Variants in FBXO27 observed in about 807,000 individuals in gnomAD.
FBXO27 encodes the protein F-box protein 27, also known as F-box only protein 27.
A neutral mutation model predicts 28.3 loss-of-function variants in FBXO27; 28 were observed. The observed-to-expected ratio is 0.99, with a 90% CI of 0.73 to 1.36. The LOEUF (loss-of-function observed/expected upper bound fraction) is 1.36, where lower values mean the gene tolerates loss of function less well. Ranked by LOEUF, FBXO27 falls within the 40% of genes most tolerant of loss-of-function variation. FBXO27 has a pLI of 0.00. For synonymous variants in FBXO27, 175 were observed against 167.3 expected (o/e 1.05, Z -0.36); for missense variants, 388 against 394.1 (o/e 0.98, Z 0.13).
At chr19:39,018,182 A>G (rs1159742154) in intron 1 of FBXO27, among the ~76,000 whole-genome samples, 1 of 152,126 alleles carries the variant, frequency 6.6e-6, no homozygotes, top group Non-Finnish European at 1.5e-5. Flanking sequence ...GGGTTTCACC[A>G]TGTTGGCCAA....
Position 39,032,467 on chromosome 19 carries a change from T to G in FBXO27, c.-27+36A>C. 1 of 494,930 alleles carries G rather than the reference T, an allele frequency of 2.0e-6. No individual in the cohort carries two copies. Among genetic ancestry groups the G allele is most frequent in the East Asian group, 4.0e-5 (1 of 24,794 alleles). 30.7% of individuals were successfully genotyped at this position (494,930 alleles called of 1,614,324 possible). ...CCGAATTGCATGCAATCAGCCCCCC[T>G]CGGCGGCCGCACCGACACCGCACCC... On this transcript the variant is annotated intron_variant, in intron 1 of 5. Coordinates refer to ENST00000292853, the MANE Select transcript of FBXO27 (RefSeq NM_178820.5). This position sits in a 1 kb window ranked among gnomAD's most constrained non-coding sequence, Gnocchi z 4.7.
chr19:39,025,433 A>G lies in FBXO27; in HGVS notation c.830T>C (p.Ile277Thr). Residue 277 changes from isoleucine to threonine, a missense_variant, in exon 6 of 6, where the codon ATC becomes ACC. Ile to Thr is a moderately conservative substitution (Grantham distance 89). Transcript: ENST00000292853. ...GGACTAGGACAGACGGACTCGCACG[A>G]TCACACTGGAGTTGGTCACACGGGC... is the stretch of plus-strand genomic sequence containing the variant. Reference protein sequence around the residue: ...YGARVTNSSVIVRVRLS With the variant: ...YGARVTNSSVTVRVRLS 1 of 1,613,954 alleles carries G rather than the reference A, an allele frequency of 6.2e-7. No homozygotes were observed. Among genetic ancestry groups the G allele is most frequent in the Non-Finnish European group, 8.5e-7 (1 of 1,179,954 alleles).
chr19:39,009,812 T>C (rs2072786751), intron 2 of FBXO27, among the ~76,000 whole-genome samples: 1 of 151,532 alleles, frequency 6.6e-6, no homozygotes, highest in Admixed American at 6.6e-5. Context: ...TTTGTTGTTG[T>C]TGTTTGTTTG....
At chr19:39,013,988 G>T (rs1212082567) in intron 2 of FBXO27, among the ~76,000 whole-genome samples, 1 of 152,098 alleles carries the variant, frequency 6.6e-6, no homozygotes, top group Non-Finnish European at 1.5e-5. Context: ...ACTCCAGCCT[G>T]GGGGAGACAG....
intron 5 of FBXO27, 29 bp from the exon 6 acceptor site, chr19:39,025,583 T>C (rs777823891): frequency 2.5e-6 from 4 of 1,598,162 alleles, no homozygotes; most frequent in Admixed American, 3.4e-5. Flanking sequence ...CTCAGCTCCA[T>C]TGTGCCACAG....
In FBXO27 at chr19:39,018,289, G is replaced by A. The variant is rs147229146; in HGVS notation, c.92-3742C>T. Among the ~76,000 whole-genome samples the A allele has an allele frequency of 2.8e-3, 429 of 152,250 alleles. 3 individuals are homozygous for A. The highest frequency in any genetic ancestry group is 7.4e-3 in the African/African-American group (309 of 41,542). On this transcript the variant is annotated intron_variant, in intron 1 of 2. Coordinates refer to the FBXO27 transcript ENST00000598394. ...AGGCAGTGTGAAATCATAATTGCACGAAATTAACTGAAGTAATACTGTACT... is the reference window on the plus strand; with the variant it reads ...AGGCAGTGTGAAATCATAATTGCACAAAATTAACTGAAGTAATACTGTACT...
At chr19:39,030,947 G>A in intron 4 of FBXO27, 82 bp downstream of exon 4, 2 of 1,145,344 alleles carry the variant, frequency 1.7e-6, no homozygotes, top group Non-Finnish European at 1.3e-6. Flanking sequence ...GGGTTAGGAG[G>A]CCTAAATTAA....
At chr19:39,020,755 C>CAAAAAAAAA (rs61577516), downstream of FBXO27, among the ~76,000 whole-genome samples, 134 of 105,248 alleles carry the variant, frequency 1.3e-3, 4 homozygotes, top group African/African-American at 4.4e-3. Flanking sequence ...GTGGATATGG[C>CAAAAAAAAA]AAAAAAAAAA....
At position 39,032,272 on chromosome 19, in the gene FBXO27, C is replaced by T; in HGVS notation, c.-26-19G>A. On this transcript the variant is annotated intron_variant, in intron 1 of 5. Coordinates refer to ENST00000292853, the MANE Select transcript of FBXO27 (RefSeq NM_178820.5). This position sits in a 1 kb window ranked among gnomAD's most constrained non-coding sequence, Gnocchi z 4.7. The stretch of plus-strand genomic sequence containing the variant: ...GCTGTGGCTGCGGGAGAGGAAGGGT[C>T]AAGGCGTCAGGGACCAGCAGCCTCC... 1 of 1,399,256 alleles carries T rather than the reference C, an allele frequency of 7.1e-7. No homozygotes were observed. Among genetic ancestry groups the T allele is most frequent in the Non-Finnish European group, 9.2e-7 (1 of 1,087,002 alleles). The allele number at this position is 1,399,256 out of a possible 1,614,324, so 86.7% of individuals were successfully genotyped here.
intron 1 of FBXO27, among the ~76,000 whole-genome samples, chr19:39,016,784 A>C (rs2072822456): frequency 6.6e-6 from 1 of 151,014 alleles, no homozygotes; most frequent in Admixed American, 6.6e-5. Context: ...GAACGTCTCA[A>C]AAAAAAAAGC....
chr19:39,029,592 AATC>A (rs1415851174), intron 4 of FBXO27, among the ~76,000 whole-genome samples: 1 of 152,030 alleles, frequency 6.6e-6, no homozygotes, highest in East Asian at 1.9e-4. Context: ...GGGGAACGAG[AATC>A]ATATGATACT....
At chr19:39,030,819 G>A in intron 4 of FBXO27, 1 of 594,694 alleles carries the variant, frequency 1.7e-6, no homozygotes. Context: ...TGCTGGTTGG[G>A]CTGGTCTCGA....
intron 2 of FBXO27, among the ~76,000 whole-genome samples, chr19:39,009,046 T>C (rs2072782890): frequency 2.0e-5 from 3 of 152,228 alleles, no homozygotes; most frequent in African/African-American, 7.2e-5. Context: ...GGTCTCGAAC[T>C]CCTGACATCA....
chr19:39,032,212 A>G lies in FBXO27; in HGVS notation c.16T>C (p.Ser6Pro), dbSNP rs2072910694. The G allele has an allele frequency of 6.9e-7, 1 of 1,453,542 alleles. No individual in the cohort carries two copies. Among genetic ancestry groups the G allele is most frequent in the East Asian group, 2.9e-5 (1 of 34,160 alleles). 90.0% of individuals were successfully genotyped at this position (1,453,542 alleles called of 1,614,324 possible). Residue 6 changes from serine to proline, a missense_variant, in exon 2 of 6, where the codon TCC becomes CCC. Coordinates refer to ENST00000292853, the MANE Select transcript of FBXO27 (RefSeq NM_178820.5). This position sits in a 1 kb window ranked among gnomAD's most constrained non-coding sequence, Gnocchi z 4.7. ...GGGACCCGGGCGGCCCGGCCCCTGG[A>G]GACCGAGGCGCCCATGGTCCCCCCG... is the stretch of plus-strand genomic sequence containing the variant. MGASV[S>P]RGRAARVPAP...
chr19:39,012,133 G>A (rs2072798303), intron 2 of FBXO27, among the ~76,000 whole-genome samples: 1 of 142,470 alleles, frequency 7.0e-6, no homozygotes, highest in South Asian at 2.3e-4. Flanking sequence ...ACGCCCGGCC[G>A]AGCCCTGATT....
chr19:39,014,069 G>C (rs1568457609), intron 2 of FBXO27, among the ~76,000 whole-genome samples: 1 of 152,194 alleles, frequency 6.6e-6, no homozygotes, highest in East Asian at 1.9e-4. Flanking sequence ...AGATGGTCCA[G>C]TCAGCATCCA....
At chr19:39,020,962 C>G (rs2072842789), downstream of FBXO27, among the ~76,000 whole-genome samples, 1 of 152,064 alleles carries the variant, frequency 6.6e-6, no homozygotes, top group Non-Finnish European at 1.5e-5. Context: ...TCAAGTGATT[C>G]TCCTGCCTCA....
At chr19:39,021,469 T>C (rs1020105849), downstream of FBXO27, among the ~76,000 whole-genome samples, 2 of 152,182 alleles carry the variant, frequency 1.3e-5, no homozygotes, top group African/African-American at 4.8e-5. Context: ...ACTTACTGAA[T>C]AGTAAATGTA....
chr19:39,006,644 G>A (rs1975736027), intron 2 of FBXO27, among the ~76,000 whole-genome samples: 1 of 152,014 alleles, frequency 6.6e-6, no homozygotes, highest in Non-Finnish European at 1.5e-5. Context: ...CTTCCTCCTT[G>A]TTTCTGTATG....
Sources: allele counts gnomAD v4.1 joint callset (sites outside exome capture counted in the v4.1 genomes callset), GRCh38; gene constraint gnomAD v4.1.1; non-coding constraint Gnocchi (gnomAD v3.1); transcripts MANE v1.5; gene names NCBI Gene and HGNC (gene_info 2026-07-23, HGNC 2026-07-21).